DGKH: variants seen among roughly 807,000 people sequenced by gnomAD.
The protein encoded by DGKH is diacylglycerol kinase eta, also known as DAG kinase eta.
Under a neutral mutation model 159.3 loss-of-function variants are expected in DGKH, and 90 were observed. The observed-to-expected ratio is 0.57, with a 90% confidence interval of 0.48 to 0.67. The LOEUF is 0.67. Ranked by LOEUF, DGKH falls within the 30% of genes least tolerant of loss-of-function variation. The probability of loss-of-function intolerance (pLI) is 0.00; values close to 1 mark genes in which losing one functional copy is unlikely to be tolerated. For missense variants in DGKH, 1,181 were observed against 1,506.1 expected, an observed-to-expected ratio of 0.78 and a Z score of 3.57; for synonymous variants, 536 against 553.8, an observed-to-expected ratio of 0.97 and a Z score of 0.45.
At chr13:42,138,062 A>T in intron 3 of DGKH, 1 of 985,162 alleles carries the variant, frequency 1.0e-6, no homozygotes, top group Non-Finnish European at 1.2e-6. Flanking sequence ...ATCTTTAGTC[A>T]TCTCATTCCC....
At chr13:42,099,178 G>A (rs756374562) in intron 1 of DGKH, among the ~76,000 whole-genome samples, 13 of 152,100 alleles carry the variant, frequency 8.5e-5, no homozygotes, top group South Asian at 2.1e-4. Context: ...GTTCACTGGC[G>A]CTTTCCGGCT....
chr13:42,102,638 G>A (rs1954673097), intron 1 of DGKH, among the ~76,000 whole-genome samples: 1 of 152,250 alleles, frequency 6.6e-6, no homozygotes, highest in Non-Finnish European at 1.5e-5. Flanking sequence ...TGATTCAGGA[G>A]AATCCTGCTC....
In DGKH at chr13:42,160,099, G is replaced by A. The variant is rs370149879; in HGVS notation, c.818G>A (p.Arg273His). Residue 273 changes from arginine (R) to histidine (H), a missense_variant, in exon 7 of 30, where the codon CGT becomes CAT. Arg to His is a conservative substitution (Grantham distance 29). This residue lies in a region of DGKH where 369 missense variants were observed against 519.4 expected (regional missense o/e 0.71). Coordinates refer to ENST00000337343, the MANE Select transcript of DGKH (RefSeq NM_178009.5). ...GACAAAACATGTGGCAGTGTTCTCC[G>A]TCTACAGGATTGGAAATGCCTTTGG... ...VCDKTCGSVL[R>H]LQDWKCLWCK... is the part of the protein sequence containing the mutation. 7.4e-6 allele frequency: 12 copies of A among 1,614,100 alleles called. No homozygotes were observed. The highest frequency in any genetic ancestry group is 3.3e-5 in the Admixed American group (2 of 60,008).
At chr13:42,159,951 CT>C (rs1338660043) in intron 6 of DGKH, 59 bp from the exon 7 acceptor site, 1 of 1,612,622 alleles carries the variant, frequency 6.2e-7, no homozygotes, top group Non-Finnish European at 8.5e-7. Flanking sequence ...AAAATCTCCC[CT>C]GGGGTAAGGT....
intron 1 of DGKH, among the ~76,000 whole-genome samples, chr13:42,056,843 T>C (rs1472667412): frequency 2.6e-5 from 4 of 152,170 alleles, no homozygotes; most frequent in African/African-American, 9.7e-5. Context: ...CTCCCTTAGA[T>C]TCCTCTTTTC....
intron 26 of DGKH, among the ~76,000 whole-genome samples, chr13:42,217,755 C>T (rs1957837654): frequency 6.6e-6 from 1 of 152,070 alleles, no homozygotes; most frequent in African/African-American, 2.4e-5. Context: ...TCTAGTCGGC[C>T]AGGCTCAGTG....
At chr13:42,065,059 G>A (rs1415212110) in intron 1 of DGKH, among the ~76,000 whole-genome samples, 1 of 152,170 alleles carries the variant, frequency 6.6e-6, no homozygotes, top group Non-Finnish European at 1.5e-5. Flanking sequence ...CATACAGTAA[G>A]TGCTAGTAAA....
intron 1 of DGKH, among the ~76,000 whole-genome samples, chr13:42,086,624 T>C (rs78069498): frequency 0.042 from 6,398 of 152,292 alleles, 152 homozygotes; most frequent in African/African-American, 0.068. Context: ...AACAAAATAA[T>C]TTGTCTTTGG....
chr13:42,111,151 A>G (rs1954856071), intron 1 of DGKH, among the ~76,000 whole-genome samples: 2 of 150,450 alleles, frequency 1.3e-5, no homozygotes, highest in Non-Finnish European at 3.0e-5. Context: ...AAATTAATAA[A>G]TAAATGTTCA....
intron 16 of DGKH, among the ~76,000 whole-genome samples, chr13:42,191,478 T>G (rs1957063986): frequency 6.6e-6 from 1 of 151,658 alleles, no homozygotes; most frequent in African/African-American, 2.4e-5. Flanking sequence ...CCTGCACATG[T>G]CCCCCTGAAT....
intron 1 of DGKH, chr13:42,070,071 A>G: frequency 1.0e-6 from 1 of 962,956 alleles, no homozygotes; most frequent in Non-Finnish European, 1.7e-6. Flanking sequence ...TAAGCAAAAT[A>G]TTATGAGCTT....
chr13:42,158,585 G>C (rs1405005187), intron 5 of DGKH, among the ~76,000 whole-genome samples: 1 of 151,772 alleles, frequency 6.6e-6, no homozygotes, highest in Non-Finnish European at 1.5e-5. Flanking sequence ...TGATAATATG[G>C]CTGGGGAGAT....
chr13:42,196,781 A>G (rs74054140), intron 17 of DGKH, among the ~76,000 whole-genome samples: 12,685 of 152,252 alleles, frequency 0.083, 1,444 homozygotes, highest in African/African-American at 0.26. Flanking sequence ...ATTTTATAAT[A>G]TATCAGTTGT....
At chr13:42,134,763 G>A (rs1398005749) in intron 3 of DGKH, among the ~76,000 whole-genome samples, 6 of 152,144 alleles carry the variant, frequency 3.9e-5, no homozygotes, top group Non-Finnish European at 8.8e-5. Context: ...AGCACTTTGG[G>A]AGGCCCAGGC....
intron 1 of DGKH, chr13:42,070,807 C>T: frequency 2.8e-6 from 4 of 1,447,616 alleles, no homozygotes; most frequent in South Asian, 1.2e-5. Context: ...CGTAAGAGAG[C>T]CCACATCATC....
Position 42,160,384 on chromosome 13 carries a change from A to C in DGKH, c.855+248A>C, listed in dbSNP as rs546037256. ...CTCAGGATCTCTTACCCATAGTTGT[A>C]TTGTTTTTTCATTTTGCTTTATCAA... On this transcript the variant is annotated intron_variant, in intron 7 of 29. Coordinates refer to ENST00000337343, the MANE Select transcript of DGKH (RefSeq NM_178009.5). 2.0e-5 allele frequency among the ~76,000 whole-genome samples: 3 copies of C among 152,168 alleles called. 1 individual carries two copies. In the South Asian group the frequency reaches 6.2e-4, roughly 32 times the overall value.
chr13:42,213,273 G>T (rs1479354814), intron 24 of DGKH, among the ~76,000 whole-genome samples: 1 of 152,194 alleles, frequency 6.6e-6, no homozygotes, highest in Non-Finnish European at 1.5e-5. Flanking sequence ...GTATGAATTA[G>T]GAAACAGGTT....
intron 7 of DGKH, among the ~76,000 whole-genome samples, chr13:42,161,052 AG>A (rs751646267): frequency 3.6e-4 from 55 of 152,188 alleles, no homozygotes; most frequent in Non-Finnish European, 1.0e-4. Context: ...CTCTTTTACT[AG>A]CCTTAGATAT....
At chr13:42,089,006 C>T (rs1594011252) in intron 1 of DGKH, among the ~76,000 whole-genome samples, 1 of 152,224 alleles carries the variant, frequency 6.6e-6, no homozygotes, top group East Asian at 1.9e-4. Flanking sequence ...GAACAAGAAC[C>T]ATTACTAGGG....
Sources: allele counts gnomAD v4.1 joint callset (sites outside exome capture counted in the v4.1 genomes callset), GRCh38; gene constraint gnomAD v4.1.1; regional missense constraint gnomAD v4.1.1; transcripts MANE v1.5; gene names NCBI Gene and HGNC (gene_info 2026-07-23, HGNC 2026-07-21).